Variants in TENM3 observed in about 807,000 individuals in gnomAD.
TENM3 encodes teneurin-3.
In TENM3, 63 loss-of-function variants were observed where a neutral mutation model predicts 255.1. The ratio of observed to expected loss-of-function variants is 0.25; its 90% confidence interval spans 0.20 to 0.30. TENM3 has a LOEUF of 0.30. Among genes scored for constraint, TENM3 ranks in the 10% least tolerant of loss-of-function variants. The pLI is 1.00. For missense variants in TENM3, 2,929 were observed against 3,461.1 expected, an observed-to-expected ratio of 0.85 and a Z score of 3.86; for synonymous variants, 1,306 against 1,322.3, an observed-to-expected ratio of 0.99 and a Z score of 0.27.
At chr4:181,554,369 G>T in the TENM3 span, among the ~76,000 whole-genome samples, 34 of 152,166 alleles carry the variant, frequency 2.2e-4, no homozygotes, top group Non-Finnish European at 2.1e-4. Flanking sequence ...CATGCTTCCT[G>T]CTTGTAACTC....
At chr4:182,231,158 G>A (rs748425797) in intron 1 of TENM3, among the ~76,000 whole-genome samples, 1 of 151,872 alleles carries the variant, frequency 6.6e-6, no homozygotes, top group African/African-American at 2.4e-5. Flanking sequence ...TTCCAGAAAT[G>A]TTTTTCTGAT....
At chr4:182,526,164 T>C (rs930657083) in intron 3 of TENM3, among the ~76,000 whole-genome samples, 27 of 152,030 alleles carry the variant, frequency 1.8e-4, no homozygotes, top group African/African-American at 5.8e-4. Flanking sequence ...GTATTTTTAG[T>C]AGAGACGGGG....
chr4:182,185,234 T>C (rs1298183925), intron 1 of TENM3, among the ~76,000 whole-genome samples: 2 of 152,220 alleles, frequency 1.3e-5, no homozygotes, highest in Non-Finnish European at 2.9e-5. Context: ...CAATGTAACC[T>C]ATTTTCTCAG....
chr4:181,925,975 G>C, the TENM3 span, among the ~76,000 whole-genome samples: 1 of 152,152 alleles, frequency 6.6e-6, no homozygotes. Flanking sequence ...TTCAAAGTTT[G>C]TAAACAGCCT....
the TENM3 span, among the ~76,000 whole-genome samples, chr4:181,745,291 A>T: frequency 6.6e-6 from 1 of 152,180 alleles, no homozygotes; most frequent in Non-Finnish European, 1.5e-5. Context: ...GAGAAAATCT[A>T]ACTGAAATAG....
At chr4:182,100,276 T>A in the TENM3 span, among the ~76,000 whole-genome samples, 2 of 151,678 alleles carry the variant, frequency 1.3e-5, no homozygotes, top group African/African-American at 2.4e-5. Context: ...ACTTGAGACA[T>A]CCATTTCTTC....
intron 1 of TENM3, among the ~76,000 whole-genome samples, chr4:182,284,112 T>A (rs898035257): frequency 6.6e-6 from 1 of 152,186 alleles, no homozygotes; most frequent in African/African-American, 2.4e-5. Flanking sequence ...ATGAGAGAGT[T>A]TAATTAAAGT....
At chr4:181,929,775 TAGG>T in the TENM3 span, among the ~76,000 whole-genome samples, 1 of 152,134 alleles carries the variant, frequency 6.6e-6, no homozygotes, top group Non-Finnish European at 1.5e-5. Flanking sequence ...AACCACATAA[TAGG>T]AGGTAAAACA....
At chr4:182,351,534 G>A (rs1211085811) in intron 3 of TENM3, among the ~76,000 whole-genome samples, 1 of 152,150 alleles carries the variant, frequency 6.6e-6, no homozygotes. Flanking sequence ...GCTGCCTGCC[G>A]AGTTCTGGAG....
chr4:182,260,438 C>CA (rs775865920), intron 1 of TENM3, among the ~76,000 whole-genome samples: 4 of 151,654 alleles, frequency 2.6e-5, no homozygotes, highest in African/African-American at 7.3e-5. Flanking sequence ...TGAAAAAGAA[C>CA]AAAAAAAGTG....
chr4:182,570,115 A>C (rs1249805193), intron 3 of TENM3, among the ~76,000 whole-genome samples: 1 of 152,212 alleles, frequency 6.6e-6, no homozygotes, highest in African/African-American at 2.4e-5. Context: ...AATCGAGGCA[A>C]AAGATGATGA....
At chr4:181,945,378 G>C in the TENM3 span, among the ~76,000 whole-genome samples, 2 of 151,968 alleles carry the variant, frequency 1.3e-5, no homozygotes, top group African/African-American at 2.4e-5. Context: ...GCTTTCATCC[G>C]AAGAGCAAGA....
intron 1 of TENM3, among the ~76,000 whole-genome samples, chr4:182,281,757 A>T (rs187736357): frequency 4.6e-5 from 7 of 152,276 alleles, no homozygotes; most frequent in Admixed American, 6.5e-5. Flanking sequence ...ATTTATTTTC[A>T]GACGAAGTCT....
intron 1 of TENM3, among the ~76,000 whole-genome samples, chr4:182,162,936 TAATC>T (rs1312156390): frequency 6.6e-6 from 1 of 152,150 alleles, no homozygotes; most frequent in Non-Finnish European, 1.5e-5. Flanking sequence ...GGGACACAAA[TAATC>T]AAAGCATAGC....
At chr4:181,673,474 T>G in the TENM3 span, among the ~76,000 whole-genome samples, 1 of 152,272 alleles carries the variant, frequency 6.6e-6, no homozygotes, top group South Asian at 2.1e-4. Context: ...AATAGAAATT[T>G]TAAGCAATTT....
At chr4:182,730,834 G>A in intron 15 of TENM3, 44 bp from the exon 16 acceptor site, 7 of 1,601,362 alleles carry the variant, frequency 4.4e-6, no homozygotes, top group South Asian at 2.2e-5. Context: ...TGGTAGTTAT[G>A]TGGGATCCAG....
chr4:181,592,042 G>A, the TENM3 span, among the ~76,000 whole-genome samples: 219 of 152,242 alleles, frequency 1.4e-3, no homozygotes, highest in African/African-American at 5.0e-3. Flanking sequence ...ACAGGAAGCA[G>A]ATTAGCGGTT....
At chr4:182,129,789 G>A in the TENM3 span, among the ~76,000 whole-genome samples, 1 of 152,094 alleles carries the variant, frequency 6.6e-6, no homozygotes, top group Non-Finnish European at 1.5e-5. Context: ...ATGTTCAATT[G>A]CAGTGTTTTA....
the TENM3 span, among the ~76,000 whole-genome samples, chr4:182,019,253 C>A: frequency 6.6e-6 from 1 of 152,160 alleles, no homozygotes; most frequent in Non-Finnish European, 1.5e-5. Context: ...TTCCTGTGAA[C>A]CGAATGTGAA....
Sources: gnomAD v4.1 joint callset for allele counts (sites outside exome capture counted in the v4.1 genomes callset) on GRCh38, gnomAD v4.1.1 for gene constraint, MANE v1.5 for transcripts, NCBI Gene and HGNC (gene_info 2026-07-23, HGNC 2026-07-21) for gene names.